The following FAM50B variants were observed in gnomAD, a reference collection of about 807,000 sequenced individuals.
FAM50B encodes the protein family with sequence similarity 50 member B.
A neutral mutation model predicts 25.4 loss-of-function variants in FAM50B; 9 were observed. The observed-to-expected ratio is 0.35, with a 90% CI of 0.21 to 0.62. FAM50B has a LOEUF of 0.62. Ranked by LOEUF, FAM50B falls within the 20% of genes least tolerant of loss-of-function variation. The pLI is 0.73. For missense variants in FAM50B, 372 were observed against 477.9 expected, an observed-to-expected ratio of 0.78 and a Z score of 2.07; for synonymous variants, 212 against 204.3, an observed-to-expected ratio of 1.04 and a Z score of -0.32.
chr6:3,848,603 A>G (rs74805526), upstream of FAM50B, among the ~76,000 whole-genome samples: 145 of 151,962 alleles, frequency 9.5e-4, no homozygotes, highest in African/African-American at 3.3e-3. Flanking sequence ...AGCTTTTCCA[A>G]ACTAGGTCCC....
At chr6:3,833,717 T>C in the FAM50B span, 1 of 152,242 alleles carries the variant, frequency 6.6e-6, no homozygotes, top group Non-Finnish European at 1.5e-5. Flanking sequence ...AGACAGCATG[T>C]AGCCCCTGGA....
At chr6:3,846,605 T>G (rs920038288), upstream of FAM50B, among the ~76,000 whole-genome samples, 1 of 152,234 alleles carries the variant, frequency 6.6e-6, no homozygotes, top group African/African-American at 2.4e-5. Flanking sequence ...ACGAAAGATT[T>G]CTTTGTAACA....
At chr6:3,835,186 G>C in the FAM50B span, among the ~76,000 whole-genome samples, 27 of 152,134 alleles carry the variant, frequency 1.8e-4, no homozygotes, top group African/African-American at 6.3e-4. Context: ...AGGAGCATGA[G>C]AGAAGAAAAT....
the FAM50B span, among the ~76,000 whole-genome samples, chr6:3,838,840 CA>C: frequency 0.027 from 1,307 of 48,176 alleles, 10 homozygotes; most frequent in African/African-American, 0.096. Flanking sequence ...GACTCCATCT[CA>C]AAAAAAAAAA....
the FAM50B span, among the ~76,000 whole-genome samples, chr6:3,832,391 G>T: frequency 6.6e-6 from 1 of 152,200 alleles, no homozygotes. Flanking sequence ...GACCTCTCAT[G>T]TCCCACTTAA....
chr6:3,849,892 G>A lies in FAM50B; in HGVS notation c.81G>A (p.Gln27=). 6.2e-7 allele frequency: 1 copy of A among 1,613,808 alleles called. No homozygotes were observed. The highest frequency in any genetic ancestry group is 1.3e-5 in the African/African-American group (1 of 75,082). The change falls in exon 2 of 2, where the codon CAG becomes CAA. Residue 27 remains glutamine (Q), a synonymous_variant. Coordinates refer to ENST00000648326, the MANE Select transcript of FAM50B (RefSeq NM_012135.3). The part of the protein sequence containing the change: ...LLKKRERQRE[Q]MEVLKQRIAE... ...AGAAGCGCGAAAGGCAGCGGGAGCA[G>A]ATGGAGGTGCTGAAGCAGCGCATCG...
chr6:3,843,897 T>C, the FAM50B span, among the ~76,000 whole-genome samples: 2 of 152,170 alleles, frequency 1.3e-5, no homozygotes, highest in East Asian at 3.8e-4. Context: ...CAGGATACTG[T>C]GGTGGTGTTG....
At chr6:3,837,094 A>G in the FAM50B span, among the ~76,000 whole-genome samples, 1 of 152,252 alleles carries the variant, frequency 6.6e-6, no homozygotes, top group African/African-American at 2.4e-5. Context: ...AAACTGGACC[A>G]CAGATCTAAA....
In FAM50B at chr6:3,850,793, C is replaced by T; in HGVS notation, c.*4C>T. The T allele has an allele frequency of 6.2e-7, 1 of 1,611,558 alleles. No homozygotes were observed. Among genetic ancestry groups the T allele is most frequent in the Non-Finnish European group, 8.5e-7 (1 of 1,178,354 alleles). On this transcript the variant is annotated 3_prime_UTR_variant, in exon 2 of 2. Coordinates refer to ENST00000648326, the MANE Select transcript of FAM50B (RefSeq NM_012135.3). ...GGACAAGTACACCATCCGCTAACAC[C>T]CGCCTGCCAGAGCGGAAACCGGGGG...
At chr6:3,842,135 G>C in the FAM50B span, among the ~76,000 whole-genome samples, 1 of 152,258 alleles carries the variant, frequency 6.6e-6, no homozygotes, top group African/African-American at 2.4e-5. Flanking sequence ...CCTGCTTTCA[G>C]TTTGACGAAG....
intron 1 of FAM50B, 94 bp downstream of exon 1, chr6:3,849,580 C>T (rs957612904): frequency 3.3e-5 from 22 of 661,630 alleles, no homozygotes; most frequent in Non-Finnish European, 4.8e-5. Flanking sequence ...TACGTGGGGC[C>T]GTTCGCATTT....
the FAM50B span, among the ~76,000 whole-genome samples, chr6:3,840,054 G>A: frequency 5.9e-5 from 9 of 152,216 alleles, no homozygotes; most frequent in South Asian, 1.0e-3. Context: ...GTGCAGTGGC[G>A]CGATCTCGGC....
rs1164306385 is a variant in FAM50B, at chr6:3,850,105, G to T, written c.294G>T (p.Arg98=). ...LAKRQHLEEQ[R]LQQERQREQE... is the part of the protein sequence containing the mutation. ...AGCGCCAGCACCTGGAGGAGCAGCG[G>T]CTGCAGCAGGAGCGGCAGCGGGAGC... Residue 98 remains arginine (R), a synonymous_variant, in exon 2 of 2, where the codon CGG becomes CGT. Transcript: ENST00000648326. 1.9e-6 allele frequency: 3 copies of T among 1,609,808 alleles called. No individual in the cohort carries two copies. The highest frequency in any genetic ancestry group is 2.5e-6 in the Non-Finnish European group (3 of 1,178,520).
chr6:3,850,955 GTTGC>G lies in FAM50B; in HGVS notation c.*170_*173del. ...GTGCTATTGCTGATGTTATGCTTTG[GTTGC>G]TTGGTTGGTCTTTTCTGAGTATTTT... On this transcript the variant is annotated 3_prime_UTR_variant, in exon 2 of 2. Coordinates refer to ENST00000648326, the MANE Select transcript of FAM50B (RefSeq NM_012135.3). 3 of 1,178,926 alleles carry G rather than the reference GTTGC, an allele frequency of 2.5e-6. No homozygotes were observed. Among genetic ancestry groups the G allele is most frequent in the Non-Finnish European group, 3.5e-6 (3 of 852,702 alleles). 73.0% of individuals were successfully genotyped at this position (1,178,926 alleles called of 1,614,324 possible).
the FAM50B span, among the ~76,000 whole-genome samples, chr6:3,840,632 A>G: frequency 6.6e-6 from 1 of 152,222 alleles, no homozygotes; most frequent in Non-Finnish European, 1.5e-5. Flanking sequence ...GGACCTCAGC[A>G]GGCAGAATGC....
At chr6:3,840,179 G>A in the FAM50B span, among the ~76,000 whole-genome samples, 2 of 152,046 alleles carry the variant, frequency 1.3e-5, no homozygotes, top group Non-Finnish European at 2.9e-5. Context: ...TTTTTTAGTA[G>A]AGACGGGGTT....
chr6:3,842,379 T>C, the FAM50B span, among the ~76,000 whole-genome samples: 1 of 152,206 alleles, frequency 6.6e-6, no homozygotes, highest in Non-Finnish European at 1.5e-5. Context: ...TTCTACGTGT[T>C]TCTACATAAA....
the FAM50B span, among the ~76,000 whole-genome samples, chr6:3,842,819 C>G: frequency 3.3e-5 from 5 of 152,128 alleles, no homozygotes; most frequent in Admixed American, 3.3e-4. Flanking sequence ...ATTTGCTGTA[C>G]GTTTCTAAAA....
At chr6:3,841,335 T>A in the FAM50B span, among the ~76,000 whole-genome samples, 2 of 152,010 alleles carry the variant, frequency 1.3e-5, no homozygotes, top group African/African-American at 4.8e-5. Flanking sequence ...TCTGGGAAAA[T>A]TATTAAGTGG....
Sources: gnomAD v4.1 joint callset for allele counts (sites outside exome capture counted in the v4.1 genomes callset) on GRCh38, gnomAD v4.1.1 for gene constraint, MANE v1.5 for transcripts, NCBI Gene and HGNC (gene_info 2026-07-23, HGNC 2026-07-21) for gene names.